The following DIP2B variants were observed in gnomAD, a reference collection of about 807,000 sequenced individuals.
DIP2B encodes disco-interacting protein 2 homolog B.
In DIP2B, 76 loss-of-function variants were observed where a neutral mutation model predicts 198.0. That is an observed-to-expected ratio of 0.38 (90% CI 0.32 to 0.46). DIP2B has a LOEUF of 0.46. Among genes scored for constraint, DIP2B ranks in the 20% least tolerant of loss-of-function variants. DIP2B has a pLI of 0.99. For synonymous variants in DIP2B, 701 were observed against 739.1 expected, an observed-to-expected ratio of 0.95 and a Z score of 0.84; for missense variants, 1,559 against 1,978.4, an observed-to-expected ratio of 0.79 and a Z score of 4.02.
At chr12:50,722,253 GTTTATTTTATTTTATTTTATTTTAT>G (rs147287033) in intron 26 of DIP2B, among the ~76,000 whole-genome samples, 4 of 143,068 alleles carry the variant, frequency 2.8e-5, no homozygotes, top group Admixed American at 7.0e-5. Flanking sequence ...TTGTTTGTTT[GTTTATTTTATTTTATTTTATTTTAT>G]TTTATTTTAT....
At chr12:50,721,016 C>G (rs1939825994) in intron 25 of DIP2B, among the ~76,000 whole-genome samples, 1 of 151,942 alleles carries the variant, frequency 6.6e-6, no homozygotes, top group Non-Finnish European at 1.5e-5. Context: ...GCTGTGTTGC[C>G]CAGGCTTGTC....
At position 50,664,836 on chromosome 12, in the gene DIP2B, GTTTTTTTTTTTTTTTTTT is replaced by G. The variant is rs1159665939; in HGVS notation, c.427+4536_427+4553del. Among the ~76,000 whole-genome samples, 21 of 15,978 alleles carry G rather than the reference GTTTTTTTTTTTTTTTTTT, an allele frequency of 1.3e-3. 2 individuals carry two copies. Among genetic ancestry groups the G allele is most frequent in the South Asian group, 1.9e-3 (1 of 522 alleles). 10.5% of individuals were successfully genotyped at this position (15,978 alleles called of 152,430 possible). ...GAATTTCCCTCCTTTTTTGGTTTTT[GTTTTTTTTTTTTTTTTTT>G]TTTTTTTTTTTTTTTTTTGACACAG... On this transcript the variant is annotated intron_variant, in intron 4 of 37. Coordinates refer to ENST00000301180, the MANE Select transcript of DIP2B (RefSeq NM_173602.3).
At chr12:50,741,378 A>G in intron 36 of DIP2B, 38 bp from the exon 37 acceptor site, 3 of 1,605,004 alleles carry the variant, frequency 1.9e-6, no homozygotes, top group South Asian at 1.1e-5. Flanking sequence ...CACTCAGTAT[A>G]TGTCCAAGCC....
At position 50,747,150 on chromosome 12, in the gene DIP2B, G is replaced by A. The variant is rs917469295; in HGVS notation, c.*2311G>A. 2.6e-5 allele frequency: 4 copies of A among 152,098 alleles called. No individual in the cohort carries two copies. Among genetic ancestry groups the A allele is most frequent in the African/African-American group, 7.2e-5 (3 of 41,414 alleles). The allele number at this position is 152,098 out of a possible 1,614,324, so 9.4% of individuals were successfully genotyped here. Reference sequence around the variant, plus strand: ...TTTCATATTAGGCCTTTGAAATTCAGTGTGTATTAAACACATCTCAATTCA... The same window carrying A: ...TTTCATATTAGGCCTTTGAAATTCAATGTGTATTAAACACATCTCAATTCA... On this transcript the variant is annotated 3_prime_UTR_variant, in exon 38 of 38. Transcript: ENST00000301180.
rs990267172 is a variant in DIP2B at position 50,721,257 on chromosome 12, T to A, written c.3043-16T>A. ...TTTCTGAGCTTTGACCCGCTTATCC[T>A]TTCTGTTGTTTAAAGGGAACCACTG... On this transcript the variant is annotated splice_polypyrimidine_tract_variant and intron_variant, in intron 25 of 37. Coordinates refer to ENST00000301180, the MANE Select transcript of DIP2B (RefSeq NM_173602.3). 3.1e-6 allele frequency: 5 copies of A among 1,612,556 alleles called. No homozygotes were observed. The Middle Eastern group carries it at 6.6e-4, about 213-fold the overall frequency.
chr12:50,647,175 G>C (rs940617797), intron 3 of DIP2B, among the ~76,000 whole-genome samples: 1 of 151,958 alleles, frequency 6.6e-6, no homozygotes, highest in African/African-American at 2.4e-5. Flanking sequence ...TCCTTAGCTC[G>C]AGTAGCTGGG....
intron 27 of DIP2B, 31 bp from the exon 28 acceptor site, chr12:50,724,744 T>C (rs1939900138): frequency 6.2e-7 from 1 of 1,605,608 alleles, no homozygotes; most frequent in East Asian, 2.2e-5. Context: ...CTGAGCCTCC[T>C]GATGCTTATT....
intron 5 of DIP2B, among the ~76,000 whole-genome samples, chr12:50,671,835 G>A (rs894251848): frequency 2.6e-5 from 4 of 152,174 alleles, no homozygotes; most frequent in Non-Finnish European, 5.9e-5. Context: ...GAGGACTTTT[G>A]TCTTGACTGG....
intron 1 of DIP2B, among the ~76,000 whole-genome samples, chr12:50,506,319 A>G (rs1359663263): frequency 1.3e-5 from 2 of 151,974 alleles, no homozygotes; most frequent in Non-Finnish European, 2.9e-5. Context: ...TGGATCAAAA[A>G]CTCTTGATTG....
At position 50,718,979 on chromosome 12, in the gene DIP2B, C is replaced by G. The variant is rs201026863; in HGVS notation, c.2986C>G (p.Gln996Glu). The change falls in exon 25 of 38, where the codon CAG becomes GAG. Residue 996 changes from glutamine (Q) to glutamate (E), a missense_variant. By Grantham distance (29) the Gln-to-Glu change is conservative (BLOSUM62 2). Transcript: ENST00000301180. ...GCACCAGTTTCTGGCAGAGATCCTA[C>G]AGTGGCGAGCCCAGGCGACTCCTGA... ...RKHQFLAEIL[Q>E]WRAQATPDHV... 6 of 1,614,218 alleles carry G rather than the reference C, an allele frequency of 3.7e-6. No individual in the cohort carries two copies. The East Asian group carries it at 8.9e-5, about 24-fold the overall frequency.
intron 21 of DIP2B, 148 bp downstream of exon 21, chr12:50,706,813 TC>T: frequency 2.4e-5 from 13 of 553,104 alleles, no homozygotes; most frequent in South Asian, 1.3e-4. Context: ...CTTTTTTTTT[TC>T]TTCTTCTTCT....
intron 3 of DIP2B, among the ~76,000 whole-genome samples, chr12:50,654,191 A>T (rs1593690457): frequency 1.3e-5 from 2 of 151,896 alleles, no homozygotes; most frequent in East Asian, 3.9e-4. Context: ...CTAATTTTGG[A>T]TTCGTTTGTT....
intron 3 of DIP2B, among the ~76,000 whole-genome samples, chr12:50,656,709 C>T (rs1226477138): frequency 6.6e-6 from 1 of 152,126 alleles, no homozygotes; most frequent in African/African-American, 2.4e-5. Context: ...GTAGCTGGGA[C>T]TACAGGCATG....
intron 26 of DIP2B, 102 bp downstream of exon 26, chr12:50,721,498 C>A: frequency 1.3e-6 from 2 of 1,517,898 alleles, no homozygotes; most frequent in Non-Finnish European, 1.8e-6. Context: ...GACTTGCAAG[C>A]AGTGTACTTC....
chr12:50,596,695 C>T (rs529113649), intron 1 of DIP2B, among the ~76,000 whole-genome samples: 68 of 152,194 alleles, frequency 4.5e-4, no homozygotes, highest in African/African-American at 1.4e-3. Context: ...CGAAACCCCA[C>T]CTCTACCAAA....
intron 1 of DIP2B, among the ~76,000 whole-genome samples, chr12:50,510,937 G>C (rs997515506): frequency 7.3e-6 from 1 of 136,998 alleles, no homozygotes; most frequent in Admixed American, 8.4e-5. Flanking sequence ...GAGCCACTGC[G>C]CCTGGCTTTC....
intron 1 of DIP2B, among the ~76,000 whole-genome samples, chr12:50,623,152 G>A (rs1937848255): frequency 6.6e-6 from 1 of 152,028 alleles, no homozygotes; most frequent in South Asian, 2.1e-4. Context: ...GGGAGACCGA[G>A]ACGAGAGGAT....
intron 1 of DIP2B, among the ~76,000 whole-genome samples, chr12:50,602,896 G>A (rs1958950415): frequency 6.9e-6 from 1 of 145,068 alleles, no homozygotes; most frequent in Non-Finnish European, 1.5e-5. Flanking sequence ...GGGGCGCGGT[G>A]GCTCACGCCT....
chr12:50,624,234 C>T (rs935262327), intron 1 of DIP2B, among the ~76,000 whole-genome samples: 1 of 152,170 alleles, frequency 6.6e-6, no homozygotes, highest in Non-Finnish European at 1.5e-5. Flanking sequence ...GATTAGCTGT[C>T]TCTTCTTGTG....
Sources: gnomAD v4.1 joint callset for allele counts (sites outside exome capture counted in the v4.1 genomes callset) on GRCh38, gnomAD v4.1.1 for gene constraint, MANE v1.5 for transcripts, NCBI Gene and HGNC (gene_info 2026-07-23, HGNC 2026-07-21) for gene names.